Variants in SRSF4 observed in about 807,000 individuals in gnomAD.
SRSF4 encodes the protein serine/arginine-rich splicing factor 4.
A neutral mutation model predicts 48.8 loss-of-function variants in SRSF4; 12 were observed. The observed-to-expected ratio is 0.25, with a 90% CI of 0.16 to 0.40. The LOEUF is 0.40. SRSF4 is among the 10% of genes least tolerant of loss of function. SRSF4 has a pLI of 1.00. For synonymous variants in SRSF4, 248 were observed against 232.5 expected (o/e 1.07, Z -0.61); for missense variants, 466 against 667.1 (o/e 0.70, Z 3.32).
intron 1 of SRSF4, among the ~76,000 whole-genome samples, chr1:29,161,308 C>A (rs1672591072): frequency 6.6e-6 from 1 of 152,134 alleles, no homozygotes; most frequent in Non-Finnish European, 1.5e-5. Context: ...TATACAAATG[C>A]CCTGTAAATT....
At chr1:29,162,187 G>A (rs1672608674) in intron 1 of SRSF4, among the ~76,000 whole-genome samples, 1 of 152,124 alleles carries the variant, frequency 6.6e-6, no homozygotes, top group Non-Finnish European at 1.5e-5. Flanking sequence ...TCAATTTATG[G>A]GCTGTGAAGT....
intron 1 of SRSF4, chr1:29,172,112 TG>T (rs879447116): frequency 1.3e-5 from 2 of 152,086 alleles, no homozygotes; most frequent in South Asian, 2.1e-4. Flanking sequence ...TACACTTTTT[TG>T]GGGGGTAAGT....
chr1:29,149,962 A>G, intron 5 of SRSF4, 141 bp downstream of exon 5: 1 of 659,532 alleles, frequency 1.5e-6, no homozygotes, highest in Non-Finnish European at 2.6e-6. Flanking sequence ...CAGTGAGGTG[A>G]GGCTGCAGTG....
intron 1 of SRSF4, among the ~76,000 whole-genome samples, chr1:29,176,019 G>A (rs370676882): frequency 7.2e-5 from 11 of 152,214 alleles, no homozygotes; most frequent in Non-Finnish European, 4.4e-5. Flanking sequence ...TTGGGAGGCC[G>A]AGGCAGGTGG....
chr1:29,149,141 T>TG lies in SRSF4; in HGVS notation c.753dup (p.Lys252GlnfsTer10). The stretch of plus-strand genomic sequence containing the variant: ...TGGCTGCGGCTGCGGCTCTTTTCCT[T>TG]GCTGGGGCTCCTGCTTTTCTCTTTC... On this transcript the variant is annotated frameshift_variant, in exon 6 of 6. Transcript: ENST00000373795. LOFTEE classifies it high-confidence loss of function. 6.2e-7 allele frequency: 1 copy of TG among 1,609,974 alleles called. No individual in the cohort carries two copies.
rs1254482273 is a variant in SRSF4 at position 29,159,471 on chromosome 1, C to T, written c.266G>A (p.Arg89Lys). ...GCCATATTTATCTCGGCCACTTCTT[C>T]TATAACCATATCCACCTTTGGAAGG... is the stretch of plus-strand genomic sequence containing the variant. Reference protein sequence around the residue: ...YGSGRSGYGYRRSGRDKYGPP... With the variant: ...YGSGRSGYGYKRSGRDKYGPP... The change falls in exon 3 of 6, where the codon AGA (arginine) becomes AAA (lysine). Residue 89 changes from arginine (R) to lysine (K), a missense_variant. Physicochemically the swap from Arg to Lys is conservative, Grantham distance 26. Transcript: ENST00000373795. 1 of 1,613,202 alleles carries T rather than the reference C, an allele frequency of 6.2e-7. No individual in the cohort carries two copies. Among genetic ancestry groups the T allele is most frequent in the African/African-American group, 1.3e-5 (1 of 74,866 alleles).
intron 3 of SRSF4, among the ~76,000 whole-genome samples, chr1:29,155,377 G>T (rs71642259): frequency 0.024 from 3,625 of 152,226 alleles, 61 homozygotes; most frequent in Middle Eastern, 0.085. Flanking sequence ...GCTGCAGTGA[G>T]CCGTGATCAT....
chr1:29,176,943 A>C (rs1672877473), intron 1 of SRSF4, among the ~76,000 whole-genome samples: 1 of 152,186 alleles, frequency 6.6e-6, no homozygotes, highest in Admixed American at 6.5e-5. Flanking sequence ...TAAAACTATA[A>C]ATTTCAATGA....
At chr1:29,152,607 C>G (rs1009781940) in intron 4 of SRSF4, among the ~76,000 whole-genome samples, 1 of 152,094 alleles carries the variant, frequency 6.6e-6, no homozygotes, top group African/African-American at 2.4e-5. Context: ...TCAGAAACAC[C>G]CTTTTCTGTT....
chr1:29,172,653 A>G (rs1325965696), intron 1 of SRSF4: 3 of 152,198 alleles, frequency 2.0e-5, no homozygotes, highest in African/African-American at 7.2e-5. Flanking sequence ...ATGCTCATAC[A>G]CTGCGGGTGT....
In SRSF4 at chr1:29,148,460, C is replaced by T; in HGVS notation, c.1435G>A (p.Ala479Thr). 3 of 1,612,502 alleles carry T rather than the reference C, an allele frequency of 1.9e-6. No individual in the cohort carries two copies. The highest frequency in any genetic ancestry group is 2.5e-6 in the Non-Finnish European group (3 of 1,179,100). ...CTAGATCGGGAGGGCGATCTGGAAG[C>T]AGACCTGGATCTAGACTTGGACCGA... The part of the protein sequence containing the change: ...RSRSKSRSRS[A>T]SRSPSRSRSR... The change falls in exon 6 of 6, where the codon GCT becomes ACT. Residue 479 changes from alanine to threonine, a missense_variant. Coordinates refer to ENST00000373795, the MANE Select transcript of SRSF4 (RefSeq NM_005626.5).
At chr1:29,163,919 G>C (rs1458362686) in intron 1 of SRSF4, among the ~76,000 whole-genome samples, 1 of 152,194 alleles carries the variant, frequency 6.6e-6, no homozygotes. Flanking sequence ...TATTTCTCTG[G>C]GTCTTAGTTT....
At chr1:29,150,077 C>T (rs892310277) in intron 5 of SRSF4, 26 bp downstream of exon 5, 2 of 1,596,188 alleles carry the variant, frequency 1.3e-6, no homozygotes, top group Non-Finnish European at 1.7e-6. Context: ...TGCTGACCAC[C>T]TCTACTTATA....
rs766370521 is a variant in SRSF4 at position 29,148,704 on chromosome 1, T to G, written c.1191A>C (p.Glu397Asp). ...ATCTGGACTGGGAGCGGTCAGTGTC[T>G]TCCTTCTTCTTCTTCTTGCTGCTGC... Reference protein sequence around the residue: ...KAGSSKKKKKEDTDRSQSRSP... With the variant: ...KAGSSKKKKKDDTDRSQSRSP... Residue 397 changes from glutamate (E) to aspartate (D), a missense_variant, in exon 6 of 6, where the codon GAA becomes GAC. This residue lies in a region of SRSF4 where 402 missense variants were observed against 437.0 expected (regional missense o/e 0.92). Coordinates refer to ENST00000373795, the MANE Select transcript of SRSF4 (RefSeq NM_005626.5). 58 of 1,613,810 alleles carry G rather than the reference T, an allele frequency of 3.6e-5. No homozygotes were observed. In the Middle Eastern group the frequency reaches 1.3e-3, roughly 37 times the overall value.
At position 29,148,076 on chromosome 1, in the gene SRSF4, C is replaced by T. The variant is rs1254376779; in HGVS notation, c.*334G>A. The T allele has an allele frequency of 2.0e-6, 1 of 509,092 alleles. No homozygotes were observed. Among genetic ancestry groups the T allele is most frequent in the Admixed American group, 2.3e-5 (1 of 44,032 alleles). The allele number at this position is 509,092 out of a possible 1,614,324, so 31.5% of individuals were successfully genotyped here. A position where few individuals can be genotyped will look rare whatever the true frequency, so the allele number is the denominator to read the frequency against. On this transcript the variant is annotated 3_prime_UTR_variant, in exon 6 of 6. Transcript: ENST00000373795. The stretch of plus-strand genomic sequence containing the variant: ...GCAAAAATGGTTGAACTCACCATAC[C>T]TACCTATGTGGTCATTCCAGCCTTA...
chr1:29,159,349 C>T, intron 3 of SRSF4, 25 bp downstream of exon 3: 2 of 1,567,952 alleles, frequency 1.3e-6, no homozygotes, highest in Non-Finnish European at 1.8e-6. Flanking sequence ...CCAACCTTAC[C>T]CCAAAAGGTT....
intron 1 of SRSF4, among the ~76,000 whole-genome samples, chr1:29,176,569 T>G (rs1000479729): frequency 6.6e-6 from 1 of 151,728 alleles, no homozygotes. Context: ...ACTAACTATA[T>G]ACTTCCTAAT....
intron 4 of SRSF4, among the ~76,000 whole-genome samples, chr1:29,153,241 G>A (rs774834450): frequency 2.0e-5 from 3 of 151,952 alleles, no homozygotes; most frequent in Non-Finnish European, 2.9e-5. Flanking sequence ...CGGTTTAAGC[G>A]ATTCTCCTGC....
At chr1:29,153,577 G>A (rs552946092) in intron 4 of SRSF4, among the ~76,000 whole-genome samples, 134 of 151,858 alleles carry the variant, frequency 8.8e-4, no homozygotes, top group Non-Finnish European at 7.8e-4. Context: ...AAGAAGAAAT[G>A]TGAAAGGTGG....
Sources: allele counts gnomAD v4.1 joint callset (sites outside exome capture counted in the v4.1 genomes callset), GRCh38; gene constraint gnomAD v4.1.1; regional missense constraint gnomAD v4.1.1; transcripts MANE v1.5; gene names NCBI Gene and HGNC (gene_info 2026-07-23, HGNC 2026-07-21).